LRRTM4: variants seen among roughly 807,000 people sequenced by gnomAD.
The protein encoded by LRRTM4 is leucine-rich repeat transmembrane neuronal protein 4.
Under a neutral mutation model 47.6 loss-of-function variants are expected in LRRTM4, and 25 were observed. That is an observed-to-expected ratio of 0.53 (90% CI 0.38 to 0.73). The LOEUF (loss-of-function observed/expected upper bound fraction) is 0.73, where lower values mean the gene tolerates loss of function less well. LRRTM4 is among the 30% of genes least tolerant of loss of function. The probability of loss-of-function intolerance (pLI) is 0.00; values close to 1 mark genes in which losing one functional copy is unlikely to be tolerated. For synonymous variants in LRRTM4, 311 were observed against 269.5 expected (o/e 1.15, Z -1.51); for missense variants, 638 against 713.4 (o/e 0.89, Z 1.20).
intron 3 of LRRTM4, among the ~76,000 whole-genome samples, chr2:77,214,232 A>T (rs1425053184): frequency 2.0e-5 from 3 of 152,216 alleles, no homozygotes; most frequent in African/African-American, 7.2e-5. Flanking sequence ...AATGCACGGG[A>T]CAAAGTTGTC....
intron 3 of LRRTM4, among the ~76,000 whole-genome samples, chr2:76,868,360 C>T (rs766364224): frequency 9.2e-5 from 14 of 152,178 alleles, no homozygotes; most frequent in Admixed American, 2.6e-4. Context: ...CATCTCTCTG[C>T]GGACATAAGT....
chr2:77,062,943 AATTATT>A (rs768649209), intron 3 of LRRTM4, among the ~76,000 whole-genome samples: 1 of 141,968 alleles, frequency 7.0e-6, no homozygotes, highest in African/African-American at 2.6e-5. Flanking sequence ...TCTTTTTTAA[AATTATT>A]ATTATCTTTT....
rs183375189 is a variant in LRRTM4 at position 76,998,600 on chromosome 2, C to T, written c.1552-249684G>A. ...GGAATCTGCACATTTAACAAGAAAC[C>T]CCAGGCAATTTTTGTACACATTGAA... On this transcript the variant is annotated intron_variant, in intron 3 of 3. Transcript: ENST00000409884. Among the ~76,000 whole-genome samples, 24 of 151,744 alleles carry T rather than the reference C, an allele frequency of 1.6e-4. No homozygotes were observed. The East Asian group carries it at 4.5e-3, about 28-fold the overall frequency.
chr2:77,455,928 C>G (rs1244965583), intron 3 of LRRTM4, among the ~76,000 whole-genome samples: 1 of 152,090 alleles, frequency 6.6e-6, no homozygotes, highest in Admixed American at 6.6e-5. Flanking sequence ...TGCCAGTAAT[C>G]CACTGGTTTT....
At chr2:77,164,734 G>A (rs1418747152) in intron 3 of LRRTM4, among the ~76,000 whole-genome samples, 1 of 151,902 alleles carries the variant, frequency 6.6e-6, no homozygotes, top group African/African-American at 2.4e-5. Context: ...AACAAAATGC[G>A]GGCAGAAATA....
intron 3 of LRRTM4, among the ~76,000 whole-genome samples, chr2:77,252,576 T>G (rs1675650050): frequency 6.6e-6 from 1 of 152,112 alleles, no homozygotes; most frequent in African/African-American, 2.4e-5. Context: ...GTTTCCTACC[T>G]CATTTCATTT....
intron 3 of LRRTM4, among the ~76,000 whole-genome samples, chr2:77,015,536 G>A (rs1436045680): frequency 6.6e-6 from 1 of 152,008 alleles, no homozygotes; most frequent in Non-Finnish European, 1.5e-5. Flanking sequence ...ATGTTGGTCA[G>A]GCTGGTCTCG....
chr2:76,840,099 G>C (rs1385218339), intron 3 of LRRTM4, among the ~76,000 whole-genome samples: 1 of 152,050 alleles, frequency 6.6e-6, no homozygotes, highest in Non-Finnish European at 1.5e-5. Flanking sequence ...GCATGCTTTT[G>C]AATATCATTG....
At chr2:77,098,372 T>C (rs1042710845) in intron 3 of LRRTM4, among the ~76,000 whole-genome samples, 1 of 151,980 alleles carries the variant, frequency 6.6e-6, no homozygotes. Context: ...GAGGCCTTAA[T>C]ATGTAACACA....
chr2:77,056,905 T>C (rs193130299), intron 3 of LRRTM4, among the ~76,000 whole-genome samples: 1 of 152,332 alleles, frequency 6.6e-6, no homozygotes, highest in Non-Finnish European at 1.5e-5. Flanking sequence ...CAAGATTTTT[T>C]CATACAGACA....
intron 3 of LRRTM4, among the ~76,000 whole-genome samples, chr2:76,935,352 A>T (rs1327207696): frequency 6.6e-6 from 1 of 152,110 alleles, no homozygotes; most frequent in East Asian, 1.9e-4. Context: ...TTGGTTTCAT[A>T]TGAAATTTAA....
At chr2:76,776,157 T>C (rs1249548982) in intron 3 of LRRTM4, among the ~76,000 whole-genome samples, 1 of 152,214 alleles carries the variant, frequency 6.6e-6, no homozygotes, top group East Asian at 1.9e-4. Flanking sequence ...CAGTCTATCA[T>C]TGTTGGACAT....
intron 3 of LRRTM4, among the ~76,000 whole-genome samples, chr2:77,169,548 ATGGGTT>A (rs200204867): frequency 0.028 from 4,275 of 152,210 alleles, 214 homozygotes; most frequent in African/African-American, 0.096. Flanking sequence ...GCTTTCACGG[ATGGGTT>A]AATGCTCCTC....
intron 3 of LRRTM4, among the ~76,000 whole-genome samples, chr2:76,986,769 C>G (rs935204478): frequency 2.0e-5 from 3 of 151,894 alleles, no homozygotes; most frequent in Admixed American, 1.3e-4. Context: ...TCAGCCATGC[C>G]TAAAGCAAGT....
intron 3 of LRRTM4, among the ~76,000 whole-genome samples, chr2:76,881,873 T>C (rs1672940298): frequency 6.6e-6 from 1 of 152,212 alleles, no homozygotes; most frequent in Admixed American, 6.5e-5. Context: ...TATGGAATTC[T>C]AATTGTAAAT....
intron 3 of LRRTM4, among the ~76,000 whole-genome samples, chr2:77,494,971 T>G (rs1469788857): frequency 6.6e-6 from 1 of 152,178 alleles, no homozygotes; most frequent in Non-Finnish European, 1.5e-5. Flanking sequence ...TGTTGTGATA[T>G]CAACAGTGTG....
intron 3 of LRRTM4, among the ~76,000 whole-genome samples, chr2:77,253,258 AT>A (rs1256417568): frequency 6.6e-6 from 1 of 152,210 alleles, no homozygotes; most frequent in Admixed American, 6.6e-5. Context: ...CCATACTTTT[AT>A]TCATACTTTA....
intron 3 of LRRTM4, among the ~76,000 whole-genome samples, chr2:77,452,972 A>G (rs1676320206): frequency 6.6e-6 from 1 of 152,094 alleles, no homozygotes; most frequent in South Asian, 2.1e-4. Context: ...GTGACCTTAT[A>G]TATAAACTTA....
chr2:77,108,350 C>G (rs1008375853), intron 3 of LRRTM4, among the ~76,000 whole-genome samples: 2 of 151,882 alleles, frequency 1.3e-5, no homozygotes, highest in African/African-American at 4.8e-5. Flanking sequence ...ATTGTATTAT[C>G]AATCTTATAA....
Sources: gnomAD v4.1 joint callset for allele counts (sites outside exome capture counted in the v4.1 genomes callset) on GRCh38, gnomAD v4.1.1 for gene constraint, MANE v1.5 for transcripts, NCBI Gene and HGNC (gene_info 2026-07-23, HGNC 2026-07-21) for gene names.